The following GRAMD4 variants were observed in gnomAD, a reference collection of about 807,000 sequenced individuals.
GRAMD4 encodes the protein GRAM domain containing 4, also known as GRAM domain-containing protein 4.
GRAMD4 carries 25 observed loss-of-function variants against 83.9 expected under a neutral mutation model. That is an observed-to-expected ratio of 0.30 (90% CI 0.22 to 0.42). GRAMD4 has a LOEUF of 0.42. GRAMD4 is among the 10% of genes least tolerant of loss of function. The pLI is 1.00. For missense variants in GRAMD4, 593 were observed against 788.7 expected (o/e 0.75, Z 2.97); for synonymous variants, 336 against 320.9 (o/e 1.05, Z -0.50).
At chr22:46,616,872 G>GCA, upstream of GRAMD4, among the ~76,000 whole-genome samples, 1 of 29,012 alleles carries the variant, frequency 3.4e-5, no homozygotes, top group Non-Finnish European at 7.4e-5. Context: ...GTTCCCCCGT[G>GCA]TGTAGGTTCC....
chr22:46,682,677 C>G (rs888897524), downstream of GRAMD4, among the ~76,000 whole-genome samples: 2 of 152,234 alleles, frequency 1.3e-5, no homozygotes, highest in East Asian at 3.9e-4. Flanking sequence ...CGAACACCCC[C>G]CAAAATGCCT....
intron 13 of GRAMD4, among the ~76,000 whole-genome samples, chr22:46,669,879 T>C (rs1376100047): frequency 2.6e-5 from 4 of 152,184 alleles, no homozygotes; most frequent in Non-Finnish European, 5.9e-5. Flanking sequence ...GCGACTGGTC[T>C]CTTCTGTTTT....
At chr22:46,582,012 C>T (rs990653133) in intron 1 of GRAMD4, among the ~76,000 whole-genome samples, 4 of 152,126 alleles carry the variant, frequency 2.6e-5, no homozygotes, top group Non-Finnish European at 4.4e-5. Flanking sequence ...AGAGGCCTGG[C>T]TGCCACTTCC....
At chr22:46,653,008 C>A (rs1387397353) in intron 3 of GRAMD4, among the ~76,000 whole-genome samples, 1 of 152,146 alleles carries the variant, frequency 6.6e-6, no homozygotes, top group Admixed American at 6.5e-5. Context: ...TCGGGAGAGA[C>A]AGCAGCTTGG....
chr22:46,679,349 G>A lies in GRAMD4; in HGVS notation c.*2098G>A, dbSNP rs918110992. The stretch of plus-strand genomic sequence containing the variant: ...AACTGACCACGTGCCAGGTGTGGCC[G>A]AAGCCCCCAGGGAGGGCCACATTCG... On this transcript the variant is annotated 3_prime_UTR_variant, in exon 19 of 19. Transcript: ENST00000406902. 9 of 983,902 alleles carry A rather than the reference G, an allele frequency of 9.1e-6. No homozygotes were observed. The highest frequency in any genetic ancestry group is 1.1e-4 in the East Asian group (1 of 8,818). The allele number at this position is 983,902 out of a possible 1,614,324, so 60.9% of individuals were successfully genotyped here.
chr22:46,656,903 A>C (rs2082252176), intron 3 of GRAMD4, among the ~76,000 whole-genome samples: 1 of 152,148 alleles, frequency 6.6e-6, no homozygotes, highest in Non-Finnish European at 1.5e-5. Flanking sequence ...ACCCTCAGCC[A>C]CCATAGGCCA....
rs1210055515 is a variant in GRAMD4, at chr22:46,622,349, C to G, written c.-50+1784C>G. On this transcript the variant is annotated intron_variant, in intron 1 of 18. Coordinates refer to ENST00000406902, the MANE Select transcript of GRAMD4 (RefSeq NM_015124.5). This position sits in a 1 kb window ranked among gnomAD's most constrained non-coding sequence, Gnocchi z 4.0. ...CAGGCCCCAGCGCCCGGGTCATCCC[C>G]TCCGCTTCCCTCTCAGCTGCCGCAA... Among the ~76,000 whole-genome samples the G allele has an allele frequency of 6.6e-6, 1 of 152,218 alleles. No homozygotes were observed. The highest frequency in any genetic ancestry group is 1.5e-5 in the Non-Finnish European group (1 of 68,034).
chr22:46,599,933 G>A (rs950338135), intron 1 of GRAMD4, among the ~76,000 whole-genome samples: 1 of 151,850 alleles, frequency 6.6e-6, no homozygotes, highest in African/African-American at 2.4e-5. Flanking sequence ...TCCCAGGTGT[G>A]TCTCACCACC....
intron 1 of GRAMD4, among the ~76,000 whole-genome samples, chr22:46,611,675 A>G (rs924781501): frequency 2.6e-5 from 4 of 151,856 alleles, no homozygotes; most frequent in African/African-American, 9.7e-5. Flanking sequence ...TGGTGACATT[A>G]TTTTTATTAA....
chr22:46,673,022 G>T, intron 14 of GRAMD4, 25 bp downstream of exon 14: 1 of 1,516,244 alleles, frequency 6.6e-7, no homozygotes, highest in East Asian at 2.4e-5. Flanking sequence ...CAGCTGCGGG[G>T]ATGGGGGGAT....
chr22:46,591,480 G>A (rs1235757445), intron 1 of GRAMD4, among the ~76,000 whole-genome samples: 1 of 152,152 alleles, frequency 6.6e-6, no homozygotes, highest in Non-Finnish European at 1.5e-5. Flanking sequence ...CGACGTTACT[G>A]AAGCTCCATG....
chr22:46,677,119 C>A, intron 18 of GRAMD4, 28 bp from the exon 19 acceptor site: 1 of 1,610,670 alleles, frequency 6.2e-7, no homozygotes, highest in East Asian at 2.2e-5. Context: ...CTGTGCCATG[C>A]TCACTGGTGG....
chr22:46,648,770 G>A (rs1315688678), intron 3 of GRAMD4, among the ~76,000 whole-genome samples: 2 of 95,368 alleles, frequency 2.1e-5, no homozygotes, highest in Admixed American at 9.9e-5. Flanking sequence ...ATGGATGCAT[G>A]GATGGATGGA....
intron 9 of GRAMD4, among the ~76,000 whole-genome samples, chr22:46,665,987 C>T (rs2082402837): frequency 6.6e-6 from 1 of 152,238 alleles, no homozygotes; most frequent in Non-Finnish European, 1.5e-5. Context: ...TCGCAGGGGG[C>T]TTCTCCCCAA....
chr22:46,677,705 CAGAA>C lies in GRAMD4; in HGVS notation c.*458_*461del, dbSNP rs1251240707. On this transcript the variant is annotated 3_prime_UTR_variant, in exon 19 of 19. Transcript: ENST00000406902. ...AGTGCGGGGCCCTTCCTCCTGGGGA[CAGAA>C]AGATGTCGTCAAGGAGGGACATGGG... 12 of 986,776 alleles carry C rather than the reference CAGAA, an allele frequency of 1.2e-5. No individual in the cohort carries two copies. The highest frequency in any genetic ancestry group is 1.4e-5 in the Non-Finnish European group (12 of 830,794). 61.1% of individuals were successfully genotyped at this position (986,776 alleles called of 1,614,324 possible).
intron 3 of GRAMD4, among the ~76,000 whole-genome samples, chr22:46,651,157 C>T (rs2147291303): frequency 6.6e-6 from 1 of 152,320 alleles, no homozygotes; most frequent in Admixed American, 6.5e-5. Context: ...GATGAGAACT[C>T]ACGAGGCAGG....
intron 1 of GRAMD4, among the ~76,000 whole-genome samples, chr22:46,624,349 T>TTTTTTTTC (rs1447936104): frequency 7.7e-6 from 1 of 130,158 alleles, no homozygotes; most frequent in Non-Finnish European, 1.6e-5. Context: ...TTTTTTTTTT[T>TTTTTTTTC]CTGAGACGGA....
chr22:46,659,855 C>T lies in GRAMD4; in HGVS notation c.405-1526C>T, dbSNP rs912855043. ...GGCGCTTTACCTGATGCTGAACCTT[C>T]TGGGAAAATCCACAGAAGCTCAAAG... On this transcript the variant is annotated intron_variant, in intron 4 of 18. Coordinates refer to ENST00000406902, the MANE Select transcript of GRAMD4 (RefSeq NM_015124.5). The surrounding 1 kb of genome is among the most constrained non-coding windows in gnomAD (Gnocchi z 4.1). Among the ~76,000 whole-genome samples, 6 of 152,218 alleles carry T rather than the reference C, an allele frequency of 3.9e-5. No homozygotes were observed. Among genetic ancestry groups the T allele is most frequent in the African/African-American group, 1.4e-4 (6 of 41,466 alleles).
chr22:46,592,020 G>A (rs529040473), intron 1 of GRAMD4, among the ~76,000 whole-genome samples: 2 of 151,302 alleles, frequency 1.3e-5, no homozygotes, highest in Non-Finnish European at 2.9e-5. Flanking sequence ...CCTCCCTCTC[G>A]CCCCCAAGTC....
Sources: allele counts gnomAD v4.1 joint callset (sites outside exome capture counted in the v4.1 genomes callset), GRCh38; gene constraint gnomAD v4.1.1; non-coding constraint Gnocchi (gnomAD v3.1); transcripts MANE v1.5; gene names NCBI Gene and HGNC (gene_info 2026-07-23, HGNC 2026-07-21).